Variants in NHS observed in about 807,000 individuals in gnomAD.
The protein encoded by NHS is actin remodeling regulator NHS.
NHS carries 5 observed loss-of-function variants against 72.5 expected under a neutral mutation model. That is an observed-to-expected ratio of 0.07 (90% CI 0.04 to 0.14). The LOEUF is 0.14. Among genes scored for constraint, NHS ranks in the 10% least tolerant of loss-of-function variants. NHS has a pLI of 1.00. For synonymous variants in NHS, 464 were observed against 547.7 expected, an observed-to-expected ratio of 0.85 and a Z score of 2.13; for missense variants, 1,072 against 1,355.7, an observed-to-expected ratio of 0.79 and a Z score of 3.29.
At position 17,671,180 on chromosome X, in the gene NHS, T is replaced by C. The variant is rs758276818; in HGVS notation, c.566-16562T>C. 8.9e-5 allele frequency among the ~76,000 whole-genome samples: 10 copies of C among 112,515 alleles called. No homozygotes were observed. The East Asian group carries it at 2.8e-3, about 32-fold the overall frequency. ...TGCTTGCAGCTTTCACTGGCAAGTC[T>C]TGGCAAGGGGTGTGTTAGAACAAAG... On this transcript the variant is annotated intron_variant, in intron 1 of 8. Coordinates refer to ENST00000676302, the MANE Select transcript of NHS (RefSeq NM_001291867.2).
chrX:17,730,408 T>C (rs1166525298), intron 8 of NHS, among the ~76,000 whole-genome samples: 1 of 112,353 alleles, frequency 8.9e-6, no homozygotes, highest in Non-Finnish European at 1.9e-5. Flanking sequence ...TAGAATATGG[T>C]AGGTGCTAAA....
At chrX:17,393,745 G>C (rs986389407) in intron 1 of NHS, among the ~76,000 whole-genome samples, 2 of 111,595 alleles carry the variant, frequency 1.8e-5, no homozygotes, top group Non-Finnish European at 3.8e-5. Flanking sequence ...AACTTCCTCA[G>C]AAGGACAAGA....
chrX:17,489,034 A>G (rs1601729215), intron 1 of NHS, among the ~76,000 whole-genome samples: 1 of 111,588 alleles, frequency 9.0e-6, no homozygotes, highest in African/African-American at 3.3e-5. Flanking sequence ...GAGTGAGAAC[A>G]TGTGGTGTTT....
At chrX:17,586,306 C>A (rs2065575299) in intron 1 of NHS, 1 of 111,494 alleles carries the variant, frequency 9.0e-6, no homozygotes, top group Non-Finnish European at 1.9e-5. Flanking sequence ...GATGTGCCAA[C>A]TGAGAATGGC....
At chrX:17,540,236 G>A (rs1001710692) in intron 1 of NHS, among the ~76,000 whole-genome samples, 11 of 111,634 alleles carry the variant, frequency 9.9e-5, no homozygotes, top group African/African-American at 3.6e-4. Context: ...ACCCTAGGGA[G>A]GAGTTGCTGA....
intron 4 of NHS, among the ~76,000 whole-genome samples, chrX:17,721,166 T>TA (rs1283492269): frequency 8.9e-6 from 1 of 112,218 alleles, no homozygotes; most frequent in Non-Finnish European, 1.9e-5. Context: ...TTCTTTGGTG[T>TA]AAAGTTTGGG....
intron 1 of NHS, among the ~76,000 whole-genome samples, chrX:17,605,300 G>C (rs1444138083): frequency 8.9e-6 from 1 of 111,916 alleles, no homozygotes. Flanking sequence ...GCCAGGAATT[G>C]TATTTGCTTG....
At chrX:17,421,248 C>T (rs1035636476) in intron 1 of NHS, among the ~76,000 whole-genome samples, 7 of 101,802 alleles carry the variant, frequency 6.9e-5, no homozygotes, top group South Asian at 4.2e-4. Context: ...TGTGTGTGCG[C>T]GCACACACAC....
At chrX:17,418,520 C>T (rs1895155470) in intron 1 of NHS, among the ~76,000 whole-genome samples, 2 of 112,070 alleles carry the variant, frequency 1.8e-5, no homozygotes, top group African/African-American at 3.2e-5. Flanking sequence ...TCTTTCTCCT[C>T]ATTCTTGGCT....
At chrX:17,428,853 T>G in intron 1 of NHS, among the ~76,000 whole-genome samples, 1 of 111,198 alleles carries the variant, frequency 9.0e-6, no homozygotes, top group Non-Finnish European at 1.9e-5. Flanking sequence ...TCTCTCTCTG[T>G]GTGTGTGTGT....
chrX:17,650,911 C>T (rs985832567), intron 1 of NHS, among the ~76,000 whole-genome samples: 7 of 111,906 alleles, frequency 6.3e-5, no homozygotes, highest in African/African-American at 1.6e-4. Context: ...TGTTGAAGGA[C>T]AGAACTGGAA....
chrX:17,554,703 A>G (rs139231080), intron 1 of NHS, among the ~76,000 whole-genome samples: 185 of 112,186 alleles, frequency 1.6e-3, no homozygotes, highest in Non-Finnish European at 2.0e-3. Flanking sequence ...TGACCCGTAT[A>G]TGTTGAGACG....
chrX:17,388,347 G>T (rs2064421147), intron 1 of NHS, among the ~76,000 whole-genome samples: 1 of 111,752 alleles, frequency 8.9e-6, no homozygotes, highest in African/African-American at 3.3e-5. Context: ...AAAGAAACTA[G>T]AGCAAGGTGA....
intron 6 of NHS, 30 bp downstream of exon 6, chrX:17,724,460 C>T (rs768757046): frequency 1.7e-6 from 2 of 1,203,717 alleles, no homozygotes; most frequent in South Asian, 1.8e-5. Flanking sequence ...TAATGGTTAA[C>T]ATTCCTCCGC....
intron 1 of NHS, among the ~76,000 whole-genome samples, chrX:17,605,417 A>G (rs145132287): frequency 0.018 from 1,989 of 111,502 alleles, 37 homozygotes; most frequent in African/African-American, 0.062. Flanking sequence ...AACTAGGTAA[A>G]GCGCTGGTCC....
intron 1 of NHS, among the ~76,000 whole-genome samples, chrX:17,610,636 G>A (rs1027256221): frequency 8.9e-6 from 1 of 112,129 alleles, no homozygotes; most frequent in African/African-American, 3.2e-5. Flanking sequence ...TGAAGATCCT[G>A]TTTCAACTAC....
chrX:17,688,925 A>G (rs1418176097), intron 2 of NHS, among the ~76,000 whole-genome samples: 2 of 112,269 alleles, frequency 1.8e-5, no homozygotes, highest in Non-Finnish European at 3.8e-5. Context: ...AGAAGGGGAC[A>G]TGTCAGCTTT....
intron 1 of NHS, chrX:17,557,109 T>TG (rs2065380523): frequency 2.3e-5 from 2 of 87,675 alleles, no homozygotes; most frequent in Non-Finnish European, 4.5e-5. Context: ...AAGGGGGATT[T>TG]TGTGTGTGTG....
At chrX:17,496,253 A>T (rs1263731168) in intron 1 of NHS, among the ~76,000 whole-genome samples, 4 of 110,736 alleles carry the variant, frequency 3.6e-5, no homozygotes, top group Non-Finnish European at 7.6e-5. Flanking sequence ...AGCATCTTTT[A>T]TTCCTAGGTA....
Sources: gnomAD v4.1 joint callset for allele counts (sites outside exome capture counted in the v4.1 genomes callset) on GRCh38, gnomAD v4.1.1 for gene constraint, MANE v1.5 for transcripts, NCBI Gene and HGNC (gene_info 2026-07-23, HGNC 2026-07-21) for gene names.